GLI2: variants seen among roughly 807,000 people sequenced by gnomAD.
GLI2 encodes transcription activator GLI2.
GLI2 carries 22 observed loss-of-function variants against 78.9 expected under a neutral mutation model. The observed-to-expected ratio is 0.28, with a 90% CI of 0.20 to 0.40. GLI2 has a LOEUF of 0.40. Among genes scored for constraint, GLI2 ranks in the 10% least tolerant of loss-of-function variants. The pLI, the probability that GLI2 is intolerant of heterozygous loss-of-function variation, is 1.00. For missense variants in GLI2, 2,097 were observed against 2,213.2 expected (o/e 0.95, Z 1.05); for synonymous variants, 974 against 963.7 (o/e 1.01, Z -0.20).
intron 12 of GLI2, 152 bp downstream of exon 12, chr2:120,984,895 C>T: frequency 1.3e-6 from 1 of 760,144 alleles, no homozygotes; most frequent in East Asian, 2.7e-5. Flanking sequence ...CCCCCTTCAC[C>T]ACCTTGGGCC....
rs1214617362 is a variant in GLI2, at chr2:120,988,699, G to A, written c.2734G>A (p.Ala912Thr). 1 of 1,249,486 alleles carries A rather than the reference G, an allele frequency of 8.0e-7. No homozygotes were observed. The highest frequency in any genetic ancestry group is 1.0e-6 in the Non-Finnish European group (1 of 991,096). 77.4% of individuals were successfully genotyped at this position (1,249,486 alleles called of 1,614,324 possible). A position where few individuals can be genotyped will look rare whatever the true frequency, so the allele number is the denominator to read the frequency against. Residue 912 changes from alanine (A) to threonine (T), a missense_variant, in exon 14 of 14, where the codon GCC (alanine) becomes ACC (threonine). This residue lies in a region of GLI2 where 1,290 missense variants were observed against 1,261.7 expected (regional missense o/e 1.02). Transcript: ENST00000361492. ...LLDAPERTLP[A>T]GCPRPLGPRR... ...GGACGCGCCCGAGCGCACGCTGCCC[G>A]CCGGCTGCCCACGCCCACTGGGGCC...
chr2:120,769,174 C>T (rs1390023439), intron 1 of GLI2, among the ~76,000 whole-genome samples: 1 of 152,172 alleles, frequency 6.6e-6, no homozygotes, highest in Admixed American at 6.5e-5. Context: ...CACTTGGTGC[C>T]CAGCCTGGTG....
intron 1 of GLI2, among the ~76,000 whole-genome samples, chr2:120,762,455 T>C (rs1036033035): frequency 6.6e-6 from 1 of 152,046 alleles, no homozygotes; most frequent in African/African-American, 2.4e-5. Flanking sequence ...AAGGCTGGGC[T>C]CTCTCCCCAG....
chr2:120,989,821 G>A lies in GLI2; in HGVS notation c.3856G>A (p.Gly1286Arg). Reference sequence around the variant, plus strand: ...GATGGGCAATCGCCACAGGGAACTTGGGGTCCCCGATTCAGCCCTGGCTGG... The same window carrying A: ...GATGGGCAATCGCCACAGGGAACTTAGGGTCCCCGATTCAGCCCTGGCTGG... ...TTMGNRHREL[G>R]VPDSALAGVP... Residue 1286 changes from glycine to arginine, a missense_variant, in exon 14 of 14, where the codon GGG becomes AGG. Coordinates refer to ENST00000361492, the MANE Select transcript of GLI2 (RefSeq NM_001374353.1). The A allele has an allele frequency of 6.2e-7, 1 of 1,611,686 alleles. No homozygotes were observed. The highest frequency in any genetic ancestry group is 1.7e-4 in the Middle Eastern group (1 of 6,060).
chr2:120,965,121 G>T (rs1239415204), intron 5 of GLI2, among the ~76,000 whole-genome samples: 1 of 152,236 alleles, frequency 6.6e-6, no homozygotes, highest in Admixed American at 6.5e-5. Context: ...CATCAGAGGA[G>T]CACGCTCCAG....
chr2:120,891,287 C>T (rs987468229), intron 2 of GLI2, among the ~76,000 whole-genome samples: 4 of 152,214 alleles, frequency 2.6e-5, no homozygotes, highest in African/African-American at 9.6e-5. Context: ...GCCTGTTGAA[C>T]AAGTGGGTGT....
At chr2:120,786,632 A>G (rs1573377030) in intron 1 of GLI2, among the ~76,000 whole-genome samples, 1 of 152,226 alleles carries the variant, frequency 6.6e-6, no homozygotes, top group East Asian at 1.9e-4. Flanking sequence ...AGTGCTAAGT[A>G]CTATGCATGG....
Position 120,989,251 on chromosome 2 carries a change from G to A in GLI2, c.3286G>A (p.Ala1096Thr), listed in dbSNP as rs1683156998. The change falls in exon 14 of 14, where the codon GCG (alanine) becomes ACG (threonine). Residue 1096 changes from alanine (A) to threonine (T), a missense_variant. Ala to Thr is a moderately conservative substitution (Grantham distance 58). Transcript: ENST00000361492. ...GLHGQRRMVA[A>T]DSNVGPSAPM... Reference sequence around the variant, plus strand: ...GCACGGCCAGCGCAGGATGGTGGCTGCGGACTCCAACGTGGGCCCCTCCGC... The same window carrying A: ...GCACGGCCAGCGCAGGATGGTGGCTACGGACTCCAACGTGGGCCCCTCCGC... 3 of 1,613,016 alleles carry A rather than the reference G, an allele frequency of 1.9e-6. No individual in the cohort carries two copies. Among genetic ancestry groups the A allele is most frequent in the Non-Finnish European group, 2.5e-6 (3 of 1,180,036 alleles).
At chr2:120,886,323 G>C (rs544927632) in intron 2 of GLI2, among the ~76,000 whole-genome samples, 17 of 152,024 alleles carry the variant, frequency 1.1e-4, no homozygotes, top group African/African-American at 4.1e-4. Flanking sequence ...GGAGTGCAGT[G>C]TCATTGATCA....
At chr2:120,909,410 C>G (rs1678702854) in intron 2 of GLI2, among the ~76,000 whole-genome samples, 1 of 152,186 alleles carries the variant, frequency 6.6e-6, no homozygotes, top group South Asian at 2.1e-4. Context: ...GCACCTGGCT[C>G]TGTCCCTTGC....
rs373968370 is a variant in GLI2 at position 120,986,372 on chromosome 2, C to T, written c.2000C>T (p.Pro667Leu). 25 of 1,613,428 alleles carry T rather than the reference C, an allele frequency of 1.5e-5. No individual in the cohort carries two copies. The highest frequency in any genetic ancestry group is 8.0e-5 in the African/African-American group (6 of 74,944). ...AACAATGACAGTGGCGTGGAGATGC[C>T]GGGGACGGGGCCCGGGAGCCTGGGA... Reference protein sequence around the residue: ...APNNDSGVEMPGTGPGSLGDL... With the variant: ...APNNDSGVEMLGTGPGSLGDL... Residue 667 changes from proline to leucine, a missense_variant, in exon 13 of 14, where the codon CCG (proline) becomes CTG (leucine). Pro to Leu is a moderately conservative substitution (Grantham distance 98). Coordinates refer to ENST00000361492, the MANE Select transcript of GLI2 (RefSeq NM_001374353.1).
intron 2 of GLI2, among the ~76,000 whole-genome samples, chr2:120,829,612 C>CTGAG (rs1306379534): frequency 2.6e-5 from 4 of 152,256 alleles, no homozygotes; most frequent in Non-Finnish European, 5.9e-5. Context: ...AGGTTCTCAT[C>CTGAG]TGAGTTGGCT....
chr2:120,777,576 C>T (rs1291797308), intron 1 of GLI2, among the ~76,000 whole-genome samples: 3 of 151,408 alleles, frequency 2.0e-5, no homozygotes, highest in Non-Finnish European at 4.4e-5. Flanking sequence ...GGGGTCTCTG[C>T]AGACATTGCC....
chr2:120,973,212 G>A (rs779308771), intron 8 of GLI2, among the ~76,000 whole-genome samples: 39 of 152,206 alleles, frequency 2.6e-4, no homozygotes, highest in Non-Finnish European at 4.9e-4. Flanking sequence ...CACCAAAGCC[G>A]GTCTCAGCAC....
intron 2 of GLI2, among the ~76,000 whole-genome samples, chr2:120,809,113 C>G (rs1406945420): frequency 6.6e-6 from 1 of 152,144 alleles, no homozygotes; most frequent in Non-Finnish European, 1.5e-5. Flanking sequence ...TGGAAATGAC[C>G]CAAGCATCCA....
At chr2:120,915,173 C>G (rs935405834) in intron 2 of GLI2, among the ~76,000 whole-genome samples, 1 of 152,212 alleles carries the variant, frequency 6.6e-6, no homozygotes, top group African/African-American at 2.4e-5. Context: ...CCAGCACACT[C>G]TCTCTTTCGG....
At chr2:120,846,669 G>C (rs936646680) in intron 2 of GLI2, among the ~76,000 whole-genome samples, 1 of 152,232 alleles carries the variant, frequency 6.6e-6, no homozygotes, top group African/African-American at 2.4e-5. Flanking sequence ...AATGAGTCTG[G>C]CTCTGGCAAA....
intron 5 of GLI2, 73 bp from the exon 6 acceptor site, chr2:120,968,641 A>G (rs1681975105): frequency 1.9e-6 from 2 of 1,080,996 alleles, no homozygotes; most frequent in South Asian, 2.5e-5. Context: ...GGCTCTTCCT[A>G]TCCCCCACCC....
intron 5 of GLI2, among the ~76,000 whole-genome samples, chr2:120,955,716 G>A (rs368164903): frequency 1.5e-4 from 23 of 152,162 alleles, no homozygotes; most frequent in East Asian, 3.9e-4. Context: ...TAGGAATTAC[G>A]TATGAAAGTA....
Sources: allele counts gnomAD v4.1 joint callset (sites outside exome capture counted in the v4.1 genomes callset), GRCh38; gene constraint gnomAD v4.1.1; regional missense constraint gnomAD v4.1.1; transcripts MANE v1.5; gene names NCBI Gene and HGNC (gene_info 2026-07-23, HGNC 2026-07-21).